Variants in AUTS2 observed in about 807,000 individuals in gnomAD.
The protein encoded by AUTS2 is autism susceptibility gene 2 protein.
In AUTS2, 17 loss-of-function variants were observed where a neutral mutation model predicts 112.4. The ratio of observed to expected loss-of-function variants is 0.15; its 90% CI spans 0.10 to 0.23. The LOEUF is 0.23. AUTS2 is among the 10% of genes least tolerant of loss of function. AUTS2 has a pLI of 1.00. For missense variants in AUTS2, 1,510 were observed against 1,701.6 expected, an observed-to-expected ratio of 0.89 and a Z score of 1.98; for synonymous variants, 751 against 702.7, an observed-to-expected ratio of 1.07 and a Z score of -1.09.
chr7:70,698,673 TG>T, intron 6 of AUTS2, 53 bp downstream of exon 6: 1 of 1,326,574 alleles, frequency 7.5e-7, no homozygotes, highest in Non-Finnish European at 1.1e-6. Context: ...TTAGTTTCAT[TG>T]TCATTGCCTA....
chr7:70,588,791 T>C (rs946916527), intron 5 of AUTS2, among the ~76,000 whole-genome samples: 3 of 152,210 alleles, frequency 2.0e-5, no homozygotes, highest in African/African-American at 7.2e-5. Flanking sequence ...CAAATAGTGC[T>C]GTACAGATCA....
Position 70,754,894 on chromosome 7 carries a change from G to A in AUTS2, c.743-7976G>A, listed in dbSNP as rs73437361. ...TTGGAAGCTTCTTCAGGTTTGCTGC[G>A]GTAATGACCTTGTAGTTAGTAAGTC... On this transcript the variant is annotated intron_variant, in intron 6 of 18. Coordinates refer to ENST00000342771, the MANE Select transcript of AUTS2 (RefSeq NM_015570.4). Among the ~76,000 whole-genome samples the A allele has an allele frequency of 6.2e-3, 937 of 152,292 alleles. 12 individuals are homozygous for A. The highest frequency in any genetic ancestry group is 0.022 in the African/African-American group (897 of 41,560).
chr7:70,118,331 T>A, intron 3 of AUTS2, 98 bp downstream of exon 3: 2 of 1,335,158 alleles, frequency 1.5e-6, no homozygotes, highest in Non-Finnish European at 2.0e-6. Flanking sequence ...TAACTTTCCC[T>A]CATCTTTAGA....
At chr7:69,713,314 A>G (rs891260476) in intron 1 of AUTS2, among the ~76,000 whole-genome samples, 3 of 152,152 alleles carry the variant, frequency 2.0e-5, no homozygotes, top group Non-Finnish European at 4.4e-5. Flanking sequence ...ATACAATCCA[A>G]TATCATTAAC....
intron 5 of AUTS2, among the ~76,000 whole-genome samples, chr7:70,588,998 T>C (rs575992726): frequency 5.1e-4 from 78 of 152,358 alleles, no homozygotes; most frequent in African/African-American, 1.9e-3. Flanking sequence ...GTTACAAAGC[T>C]TATGCCTACT....
chr7:69,923,296 T>C (rs2129543084), intron 2 of AUTS2, among the ~76,000 whole-genome samples: 1 of 152,350 alleles, frequency 6.6e-6, no homozygotes, highest in South Asian at 2.1e-4. Flanking sequence ...TGTCCATGTA[T>C]GTGTGAGTTT....
intron 5 of AUTS2, among the ~76,000 whole-genome samples, chr7:70,677,131 C>G (rs1364504049): frequency 6.6e-6 from 1 of 152,142 alleles, no homozygotes; most frequent in African/African-American, 2.4e-5. Context: ...TTTTTGAGTT[C>G]TCCTCCTCCT....
chr7:70,789,729 C>T lies in AUTS2; in HGVS notation c.2532-19C>T, dbSNP rs1250517139. On this transcript the variant is annotated intron_variant, in intron 18 of 18. Coordinates refer to ENST00000342771, the MANE Select transcript of AUTS2 (RefSeq NM_015570.4). ...CCTTTCATTTCATCTGCGTCCTTGT[C>T]TTCCCCTCTCTCCCCCAGGGAAAGC... is the stretch of plus-strand genomic sequence containing the variant. 2 of 1,602,654 alleles carry T rather than the reference C, an allele frequency of 1.2e-6. No homozygotes were observed. The highest frequency in any genetic ancestry group is 1.7e-5 in the Admixed American group (1 of 58,796).
At chr7:69,667,583 T>C (rs1796122565) in intron 1 of AUTS2, among the ~76,000 whole-genome samples, 1 of 152,124 alleles carries the variant, frequency 6.6e-6, no homozygotes, top group Admixed American at 6.5e-5. Flanking sequence ...CTCAAACTCC[T>C]GATCTCAGGT....
chr7:69,672,947 C>T (rs576272021), intron 1 of AUTS2, among the ~76,000 whole-genome samples: 1 of 152,198 alleles, frequency 6.6e-6, no homozygotes, highest in Non-Finnish European at 1.5e-5. Context: ...GCCAATAACT[C>T]ATTTTGTACT....
chr7:70,086,598 G>A (rs922119040), intron 2 of AUTS2, among the ~76,000 whole-genome samples: 12 of 139,412 alleles, frequency 8.6e-5, no homozygotes, highest in South Asian at 4.5e-4. Context: ...CTGAGATCGC[G>A]CCACTGGACT....
chr7:70,375,163 G>A (rs1202427975), intron 4 of AUTS2, among the ~76,000 whole-genome samples: 1 of 152,190 alleles, frequency 6.6e-6, no homozygotes, highest in Non-Finnish European at 1.5e-5. Context: ...ACACCATACT[G>A]ATTCAATATG....
At chr7:69,888,908 C>G (rs1234427554) in intron 1 of AUTS2, among the ~76,000 whole-genome samples, 1 of 151,996 alleles carries the variant, frequency 6.6e-6, no homozygotes, top group Middle Eastern at 3.4e-3. Context: ...TTGGAGGGGA[C>G]AAATAAACTA....
intron 2 of AUTS2, among the ~76,000 whole-genome samples, chr7:69,964,794 A>G (rs1199416451): frequency 6.6e-6 from 1 of 151,818 alleles, no homozygotes; most frequent in Non-Finnish European, 1.5e-5. Context: ...TCATGTCTCT[A>G]AGTACAGTTG....
At chr7:69,776,182 G>T (rs766310466) in intron 1 of AUTS2, among the ~76,000 whole-genome samples, 1 of 152,214 alleles carries the variant, frequency 6.6e-6, no homozygotes, top group African/African-American at 2.4e-5. Flanking sequence ...AGGGAACTAT[G>T]TGTGGGGGAA....
intron 4 of AUTS2, among the ~76,000 whole-genome samples, chr7:70,396,644 T>G (rs565540262): frequency 2.0e-5 from 3 of 152,320 alleles, no homozygotes; most frequent in Non-Finnish European, 4.4e-5. Context: ...CCCAAAGTGT[T>G]GGGACTACAG....
chr7:70,454,676 G>A (rs1796664018), intron 5 of AUTS2, among the ~76,000 whole-genome samples: 1 of 152,200 alleles, frequency 6.6e-6, no homozygotes, highest in Admixed American at 6.5e-5. Context: ...TCCCTGCTCA[G>A]TCACACTGAT....
chr7:70,774,972 G>A (rs937153229), intron 12 of AUTS2: 2 of 220,126 alleles, frequency 9.1e-6, no homozygotes, highest in Non-Finnish European at 1.8e-5. Context: ...CCTCTCCCCA[G>A]ATACCAGTTA....
intron 5 of AUTS2, among the ~76,000 whole-genome samples, chr7:70,613,511 C>A: frequency 6.6e-6 from 1 of 152,018 alleles, no homozygotes; most frequent in East Asian, 1.9e-4. Flanking sequence ...CTCCCTCCTC[C>A]CAGGCTGGGG....
Sources: allele counts gnomAD v4.1 joint callset (sites outside exome capture counted in the v4.1 genomes callset), GRCh38; gene constraint gnomAD v4.1.1; transcripts MANE v1.5; gene names NCBI Gene and HGNC (gene_info 2026-07-23, HGNC 2026-07-21).